The following PROCR variants were observed in gnomAD, a reference collection of about 807,000 sequenced individuals.
The protein encoded by PROCR is endothelial protein C receptor.
PROCR carries 22 observed loss-of-function variants against 24.2 expected under a neutral mutation model. That is an observed-to-expected ratio of 0.91 (90% CI 0.65 to 1.30). PROCR has a LOEUF of 1.30. Ranked by LOEUF, PROCR falls within the 50% of genes most tolerant of loss-of-function variation. The pLI, the probability that PROCR is intolerant of heterozygous loss-of-function variation, is 0.00. For missense variants in PROCR, 288 were observed against 307.7 expected (o/e 0.94, Z 0.48); for synonymous variants, 137 against 139.2 (o/e 0.98, Z 0.11).
At chr20:35,171,813 C>T (rs1397639856), upstream of PROCR, among the ~76,000 whole-genome samples, 9 of 152,116 alleles carry the variant, frequency 5.9e-5, no homozygotes, top group Admixed American at 5.2e-4. Context: ...GCCGGCAGGA[C>T]TTCTCACCAA....
chr20:35,194,684 T>G (rs529884146), intron 1 of PROCR, among the ~76,000 whole-genome samples: 3 of 152,240 alleles, frequency 2.0e-5, no homozygotes, highest in Non-Finnish European at 4.4e-5. Flanking sequence ...ATAACTCAAC[T>G]GTAATATAAA....
At chr20:35,176,583 A>C (rs2086021122) in intron 3 of PROCR, 115 bp from the exon 4 acceptor site, 2 of 1,585,318 alleles carry the variant, frequency 1.3e-6, no homozygotes, top group African/African-American at 1.3e-5. Flanking sequence ...ACGCAGCTTC[A>C]GTCAGTTGGT....
At position 35,177,166 on chromosome 20, in the gene PROCR, C is replaced by A; in HGVS notation, c.*353C>A. 8.8e-7 allele frequency: 1 copy of A among 1,142,780 alleles called. No homozygotes were observed. The highest frequency in any genetic ancestry group is 1.1e-6 in the Non-Finnish European group (1 of 920,490). The allele number at this position is 1,142,780 out of a possible 1,614,324, so 70.8% of individuals were successfully genotyped here. A position where few individuals can be genotyped will look rare whatever the true frequency, so the allele number is the denominator to read the frequency against. On this transcript the variant is annotated 3_prime_UTR_variant, in exon 4 of 4. Transcript: ENST00000216968. ...CACCTGAGGCGTTCAAAAGATATAA[C>A]CAAATAAACAAGTCATCCACAATCA... is the stretch of plus-strand genomic sequence containing the variant.
downstream of PROCR, among the ~76,000 whole-genome samples, chr20:35,178,445 G>T (rs1206626980): frequency 2.9e-5 from 3 of 104,658 alleles, no homozygotes; most frequent in Non-Finnish European, 3.9e-5. Context: ...AAGAGTATGT[G>T]TTTTGTCATC....
At chr20:35,175,100 G>T in intron 2 of PROCR, 147 bp downstream of exon 2, 2 of 983,752 alleles carry the variant, frequency 2.0e-6, no homozygotes, top group Non-Finnish European at 2.9e-6. Flanking sequence ...CTGGGCCTTT[G>T]AAGATTGCTG....
intron 1 of PROCR, among the ~76,000 whole-genome samples, chr20:35,188,101 C>T (rs753347007): frequency 6.6e-6 from 1 of 152,210 alleles, no homozygotes; most frequent in Non-Finnish European, 1.5e-5. Context: ...CAGTTCAACA[C>T]GTGTGCCTTG....
Position 35,199,694 on chromosome 20 carries a change from G to A in PROCR, c.95-16199G>A, listed in dbSNP as rs1209065102. 2.7e-5 allele frequency among the ~76,000 whole-genome samples: 4 copies of A among 150,340 alleles called. 1 individual carries two copies. The East Asian group carries it at 7.8e-4, about 29-fold the overall frequency. Reference sequence around the variant, plus strand: ...ACCTGCGAGTCAGAGGTTGCAGTGAGCCAAGATCATGCCACTGCACTCCAG... The same window carrying A: ...ACCTGCGAGTCAGAGGTTGCAGTGAACCAAGATCATGCCACTGCACTCCAG... On this transcript the variant is annotated intron_variant, in intron 1 of 1. Coordinates refer to the PROCR transcript ENST00000634509.
intron 1 of PROCR, among the ~76,000 whole-genome samples, chr20:35,193,018 C>T (rs1162040227): frequency 1.3e-5 from 2 of 151,776 alleles, no homozygotes; most frequent in African/African-American, 4.8e-5. Context: ...AGAAGCCAAA[C>T]ACAAAAAAGT....
At chr20:35,215,670 G>A (rs2060379757) in intron 1 of PROCR, among the ~76,000 whole-genome samples, 1 of 152,092 alleles carries the variant, frequency 6.6e-6, no homozygotes, top group African/African-American at 2.4e-5. Context: ...TGGTTTTGCT[G>A]TTTTTTAGGT....
intron 1 of PROCR, among the ~76,000 whole-genome samples, chr20:35,186,196 G>C (rs897265909): frequency 5.3e-5 from 8 of 152,084 alleles, no homozygotes; most frequent in Non-Finnish European, 1.0e-4. Context: ...ACAAAATGTA[G>C]TATTTTAATA....
At chr20:35,182,087 T>C (rs2086083480), downstream of PROCR, among the ~76,000 whole-genome samples, 1 of 152,228 alleles carries the variant, frequency 6.6e-6, no homozygotes, top group Non-Finnish European at 1.5e-5. Flanking sequence ...ATCATGTTGC[T>C]TTTGCCTTAG....
chr20:35,177,757 A>G (rs2086035479), downstream of PROCR, among the ~76,000 whole-genome samples: 2 of 152,070 alleles, frequency 1.3e-5, no homozygotes, highest in Admixed American at 1.3e-4. Context: ...ACCCAGTGCA[A>G]TCTGACTTCT....
chr20:35,204,358 C>G (rs960987492), intron 1 of PROCR, among the ~76,000 whole-genome samples: 2 of 147,890 alleles, frequency 1.4e-5, no homozygotes, highest in African/African-American at 2.5e-5. Flanking sequence ...TCCTCCCTCC[C>G]TCCCTCCTTC....
downstream of PROCR, among the ~76,000 whole-genome samples, chr20:35,177,782 G>A (rs1415773): frequency 0.62 from 93,498 of 151,856 alleles, 30,006 homozygotes; most frequent in African/African-American, 0.8. Context: ...AAACTACTCT[G>A]AGATCACCAG....
chr20:35,185,851 C>T (rs1187937329), intron 1 of PROCR, among the ~76,000 whole-genome samples: 1 of 152,022 alleles, frequency 6.6e-6, no homozygotes, highest in Non-Finnish European at 1.5e-5. Context: ...CCAAATGCCA[C>T]CTGTACCTCG....
chr20:35,176,779 G>C lies in PROCR; in HGVS notation c.683G>C (p.Gly228Ala). 3.1e-6 allele frequency: 5 copies of C among 1,614,050 alleles called. No homozygotes were observed. Among genetic ancestry groups the C allele is most frequent in the Non-Finnish European group, 4.2e-6 (5 of 1,180,008 alleles). ...TTCATCATTGCTGGTGTGGCTGTAGGCATCTTCCTGTGCACAGGTGGACGG... is the reference window on the plus strand; with the variant it reads ...TTCATCATTGCTGGTGTGGCTGTAGCCATCTTCCTGTGCACAGGTGGACGG... Reference protein sequence around the residue: ...GSFIIAGVAVGIFLCTGGRRC With the variant: ...GSFIIAGVAVAIFLCTGGRRC Residue 228 changes from glycine (G) to alanine (A), a missense_variant, in exon 4 of 4, where the codon GGC becomes GCC. Physicochemically the swap from Gly to Ala is moderately conservative, Grantham distance 60. Transcript: ENST00000216968.
At chr20:35,185,983 T>C (rs776082238) in intron 1 of PROCR, among the ~76,000 whole-genome samples, 25 of 152,242 alleles carry the variant, frequency 1.6e-4, no homozygotes, top group Non-Finnish European at 3.4e-4. Context: ...GGCAATGGTA[T>C]AGCACTTTGG....
chr20:35,198,829 C>T (rs2146170788), intron 1 of PROCR, among the ~76,000 whole-genome samples: 1 of 152,156 alleles, frequency 6.6e-6, no homozygotes, highest in East Asian at 1.9e-4. Context: ...ATTTTCCTGC[C>T]TCAGCCTCCC....
downstream of PROCR, among the ~76,000 whole-genome samples, chr20:35,180,452 T>G (rs2086067186): frequency 6.6e-6 from 1 of 152,036 alleles, no homozygotes; most frequent in African/African-American, 2.4e-5. Flanking sequence ...GTTCGGTCAT[T>G]TTGGCCAACT....
Sources: allele counts gnomAD v4.1 joint callset (sites outside exome capture counted in the v4.1 genomes callset), GRCh38; gene constraint gnomAD v4.1.1; transcripts MANE v1.5; gene names NCBI Gene and HGNC (gene_info 2026-07-23, HGNC 2026-07-21).